The following DOCK11 variants were observed in gnomAD, a reference collection of about 807,000 sequenced individuals.
The protein encoded by DOCK11 is dedicator of cytokinesis 11, also known as dedicator of cytokinesis protein 11.
In DOCK11, 70 loss-of-function variants were observed where a neutral mutation model predicts 169.1. The ratio of observed to expected loss-of-function variants is 0.41; its 90% CI spans 0.34 to 0.51. The LOEUF (loss-of-function observed/expected upper bound fraction) is 0.51. Among genes scored for constraint, DOCK11 ranks in the 20% least tolerant of loss-of-function variants. The pLI is 0.10. For missense variants in DOCK11, 1,166 were observed against 1,538.8 expected, an observed-to-expected ratio of 0.76 and a Z score of 4.05; for synonymous variants, 529 against 541.3, an observed-to-expected ratio of 0.98 and a Z score of 0.32.
At chrX:118,616,430 T>G (rs1482026057) in intron 30 of DOCK11, among the ~76,000 whole-genome samples, 1 of 112,318 alleles carries the variant, frequency 8.9e-6, no homozygotes, top group Non-Finnish European at 1.9e-5. Context: ...AAACTGAGTG[T>G]TGCTAGAGAA....
At chrX:118,519,342 G>A (rs991578837) in intron 1 of DOCK11, among the ~76,000 whole-genome samples, 1 of 112,007 alleles carries the variant, frequency 8.9e-6, no homozygotes, top group Non-Finnish European at 1.9e-5. Flanking sequence ...GAGGTCAGGA[G>A]TTTGAGACCA....
intron 23 of DOCK11, among the ~76,000 whole-genome samples, chrX:118,601,586 C>T (rs1055569990): frequency 2.8e-4 from 31 of 111,602 alleles, no homozygotes; most frequent in African/African-American, 9.4e-4. Context: ...AAAAGAACAT[C>T]ATTTTCATAT....
In DOCK11 at chrX:118,618,555, A is replaced by G. The variant is rs769062028; in HGVS notation, c.3298A>G (p.Asn1100Asp). 3 of 1,189,438 alleles carry G rather than the reference A, an allele frequency of 2.5e-6. No individual in the cohort carries two copies. The change falls in exon 31 of 53, where the codon AAT becomes GAT. Residue 1100 changes from asparagine to aspartate, a missense_variant. Transcript: ENST00000276202. The stretch of plus-strand genomic sequence containing the variant: ...TAAATTTCATTGTACTGCAGATTCA[A>G]ATCTTGAATACAGTTTATCAGATGA... ...KPKLQRVQDS[N>D]LEYSLSDEYC...
At position 118,503,701 on chromosome X, in the gene DOCK11, A is replaced by G. The variant is rs768099661; in HGVS notation, c.102+7628A>G. Among the ~76,000 whole-genome samples the G allele has an allele frequency of 7.1e-5, 7 of 98,597 alleles. No homozygotes were observed. In the East Asian group the frequency reaches 2.1e-3, roughly 30 times the overall value. The allele number at this position is 98,597 out of a possible 115,157, so 85.6% of individuals were successfully genotyped here. On this transcript the variant is annotated intron_variant, in intron 1 of 52. Transcript: ENST00000276202. ...AAAGGACTAGGGTTCTCGAGGGCAG[A>G]GGTGGAAAGTGTTCCAAGTGGGTTC...
intron 13 of DOCK11, among the ~76,000 whole-genome samples, chrX:118,579,618 A>G: frequency 8.9e-6 from 1 of 111,825 alleles, no homozygotes; most frequent in Middle Eastern, 4.7e-3. Context: ...TAGGCAGTTT[A>G]TCTCCTTGTC....
intron 21 of DOCK11, 136 bp downstream of exon 21, chrX:118,597,688 A>G: frequency 1.5e-6 from 1 of 666,234 alleles, no homozygotes; most frequent in Non-Finnish European, 2.2e-6. Flanking sequence ...ACAAAGATAA[A>G]CATGGAATGT....
intron 6 of DOCK11, among the ~76,000 whole-genome samples, chrX:118,555,455 G>A (rs1178321083): frequency 2.7e-5 from 3 of 110,823 alleles, no homozygotes; most frequent in Non-Finnish European, 5.7e-5. Context: ...CACTTGAGAG[G>A]CTGAGGTGGG....
intron 1 of DOCK11, among the ~76,000 whole-genome samples, chrX:118,532,203 C>T (rs776047620): frequency 9.0e-6 from 1 of 110,788 alleles, no homozygotes; most frequent in Admixed American, 9.5e-5. Flanking sequence ...AGAGGCTAAG[C>T]TATTGGAGCT....
chrX:118,610,419 G>C lies in DOCK11; in HGVS notation c.3096+1G>C. ...CTATAGTTTGGCTAGCTTCCTGAAG[G>C]TGAGTTCAAGGCAGCTAGAATGTGG... On this transcript the variant is annotated splice_donor_variant, in intron 28 of 52. Transcript: ENST00000276202. LOFTEE classifies it high-confidence loss of function. 1.7e-6 allele frequency: 2 copies of C among 1,209,843 alleles called. No individual in the cohort carries two copies. The highest frequency in any genetic ancestry group is 2.2e-6 in the Non-Finnish European group (2 of 894,810).
At chrX:118,638,719 G>T (rs1038120840) in intron 37 of DOCK11, among the ~76,000 whole-genome samples, 1 of 111,530 alleles carries the variant, frequency 9.0e-6, no homozygotes, top group Non-Finnish European at 1.9e-5. Flanking sequence ...TGTGGATGGG[G>T]ATTACTGTTC....
At chrX:118,556,306 A>G (rs1471564330) in intron 6 of DOCK11, among the ~76,000 whole-genome samples, 1 of 107,587 alleles carries the variant, frequency 9.3e-6, no homozygotes, top group African/African-American at 3.4e-5. Flanking sequence ...CGGCATCCCA[A>G]AGTACTGGGA....
chrX:118,631,996 C>G (rs1408104307), intron 35 of DOCK11, among the ~76,000 whole-genome samples: 1 of 111,522 alleles, frequency 9.0e-6, no homozygotes, highest in Non-Finnish European at 1.9e-5. Context: ...ACTCTGTCGC[C>G]TAGGCTGGAG....
rs747568212 is a variant in DOCK11 at position 118,593,344 on chromosome X, G to A, written c.2263+7G>A. 4.5e-5 allele frequency: 54 copies of A among 1,194,064 alleles called. No individual in the cohort carries two copies. In the South Asian group the frequency reaches 5.8e-4, roughly 13 times the overall value. On this transcript the variant is annotated splice_region_variant and intron_variant, in intron 20 of 52. Coordinates refer to ENST00000276202, the MANE Select transcript of DOCK11 (RefSeq NM_144658.4). The stretch of plus-strand genomic sequence containing the variant: ...GACACAGTTGAAACTCCAGGTACGT[G>A]TTCTCTTTAAATGTCTCTCTCTACA...
intron 1 of DOCK11, among the ~76,000 whole-genome samples, chrX:118,532,683 AG>A (rs1205806432): frequency 9.4e-6 from 1 of 106,480 alleles, no homozygotes; most frequent in Non-Finnish European, 1.9e-5. Flanking sequence ...CGGGAGGCTG[AG>A]GCAGGAGAAT....
intron 42 of DOCK11, among the ~76,000 whole-genome samples, chrX:118,653,249 T>TTTATTCTG (rs1418179614): frequency 8.9e-6 from 1 of 111,753 alleles, no homozygotes; most frequent in Non-Finnish European, 1.9e-5. Flanking sequence ...ATGACTTAGT[T>TTTATTCTG]TTATTCTGTT....
At chrX:118,621,819 G>C (rs749923632) in intron 31 of DOCK11, among the ~76,000 whole-genome samples, 2 of 111,260 alleles carry the variant, frequency 1.8e-5, no homozygotes, top group South Asian at 7.5e-4. Context: ...ATTTTTAGCA[G>C]AGATGGGATT....
chrX:118,495,945 C>T lies in DOCK11; in HGVS notation c.-27C>T. 1 of 1,024,611 alleles carries T rather than the reference C, an allele frequency of 9.8e-7. No homozygotes were observed. Among genetic ancestry groups the T allele is most frequent in the Non-Finnish European group, 1.3e-6 (1 of 798,807 alleles). The allele number at this position is 1,024,611 out of a possible 1,213,427, so 84.4% of individuals were successfully genotyped here. ...ACCCGCCCGCCGAGGTCCGCCCGCC[C>T]GCCGAGACCCGCCCGCCGCCGCTGC... On this transcript the variant is annotated 5_prime_UTR_variant, in exon 1 of 53. Coordinates refer to ENST00000276202, the MANE Select transcript of DOCK11 (RefSeq NM_144658.4).
At chrX:118,625,801 C>T (rs1314318238) in intron 32 of DOCK11, among the ~76,000 whole-genome samples, 2 of 111,357 alleles carry the variant, frequency 1.8e-5, no homozygotes, top group African/African-American at 6.5e-5. Context: ...TTTTGCTCCC[C>T]TTAGAATTTT....
At chrX:118,532,826 G>A (rs897616061) in intron 1 of DOCK11, among the ~76,000 whole-genome samples, 69 of 107,626 alleles carry the variant, frequency 6.4e-4, no homozygotes, top group African/African-American at 2.2e-3. Flanking sequence ...GTCACGAGTG[G>A]GATACAGGAT....
Sources: allele counts gnomAD v4.1 joint callset (sites outside exome capture counted in the v4.1 genomes callset), GRCh38; gene constraint gnomAD v4.1.1; transcripts MANE v1.5; gene names NCBI Gene and HGNC (gene_info 2026-07-23, HGNC 2026-07-21).